Variants in SNTG1 observed in about 807,000 individuals in gnomAD.
The protein encoded by SNTG1 is syntrophin gamma 1.
In SNTG1, 39 loss-of-function variants were observed where a neutral mutation model predicts 74.7. The observed-to-expected ratio is 0.52, with a 90% CI of 0.40 to 0.68. The LOEUF (loss-of-function observed/expected upper bound fraction) is 0.68, where lower values mean the gene tolerates loss of function less well. SNTG1 is among the 30% of genes least tolerant of loss of function. The probability of loss-of-function intolerance (pLI) is 0.00; values close to 1 mark genes in which losing one functional copy is unlikely to be tolerated. For missense variants in SNTG1, 685 were observed against 609.5 expected (o/e 1.12, Z -1.30); for synonymous variants, 254 against 217.1 (o/e 1.17, Z -1.49).
intron 1 of SNTG1, among the ~76,000 whole-genome samples, chr8:49,976,946 G>T (rs1812248482): frequency 6.6e-6 from 1 of 152,184 alleles, no homozygotes; most frequent in Non-Finnish European, 1.5e-5. Context: ...AGGTGGGCTT[G>T]TCTCAGTGAC....
In SNTG1 at chr8:50,262,155, A is replaced by T. The variant is rs2087225742; in HGVS notation, c.-28+89520A>T. 2.0e-5 allele frequency among the ~76,000 whole-genome samples: 3 copies of T among 152,192 alleles called. No individual in the cohort carries two copies. In the South Asian group the frequency reaches 6.2e-4, roughly 31 times the overall value. On this transcript the variant is annotated intron_variant, in intron 2 of 18. Coordinates refer to ENST00000642720, the MANE Select transcript of SNTG1 (RefSeq NM_018967.5). ...CTCAAGAGATGTGGAAGATATTTTG[A>T]ACTAAATGAAAAATAGCATACTAAG... is the stretch of plus-strand genomic sequence containing the variant.
At chr8:50,233,079 A>G (rs4873139) in intron 2 of SNTG1, among the ~76,000 whole-genome samples, 136,107 of 151,424 alleles carry the variant, frequency 0.9, 62,469 homozygotes, top group East Asian at 1. Flanking sequence ...AATTTATAGA[A>G]TCAAGCCAAA....
At chr8:50,577,087 T>C (rs1020480809) in intron 12 of SNTG1, among the ~76,000 whole-genome samples, 2 of 152,312 alleles carry the variant, frequency 1.3e-5, no homozygotes, top group East Asian at 1.9e-4. Flanking sequence ...TCTTCTACCA[T>C]TGAGTATGAT....
chr8:50,623,578 A>T (rs1002420808), intron 13 of SNTG1, among the ~76,000 whole-genome samples: 7 of 152,138 alleles, frequency 4.6e-5, no homozygotes, highest in African/African-American at 1.7e-4. Context: ...CTACCCCACA[A>T]AAACATTTTC....
intron 18 of SNTG1, among the ~76,000 whole-genome samples, chr8:50,760,328 C>T (rs754965493): frequency 2.6e-5 from 4 of 151,836 alleles, no homozygotes; most frequent in African/African-American, 4.8e-5. Flanking sequence ...ATTTGAATAC[C>T]CTTTATTTCT....
intron 2 of SNTG1, among the ~76,000 whole-genome samples, chr8:50,203,317 T>C (rs1039001818): frequency 6.6e-6 from 1 of 152,152 alleles, no homozygotes; most frequent in Admixed American, 6.6e-5. Flanking sequence ...GTGTTAACTT[T>C]AGGGCTCCAG....
intron 2 of SNTG1, among the ~76,000 whole-genome samples, chr8:50,259,455 C>T (rs2087045818): frequency 7.0e-6 from 1 of 143,358 alleles, no homozygotes; most frequent in Non-Finnish European, 1.5e-5. Flanking sequence ...GCCAATGTCA[C>T]ACCACGGCAT....
At chr8:50,741,737 C>A (rs971282078) in intron 17 of SNTG1, among the ~76,000 whole-genome samples, 1 of 151,972 alleles carries the variant, frequency 6.6e-6, no homozygotes, top group Non-Finnish European at 1.5e-5. Flanking sequence ...GAAACAAATG[C>A]ACATTACTAA....
chr8:50,391,766 C>T (rs1162913816), intron 2 of SNTG1, among the ~76,000 whole-genome samples: 1 of 152,056 alleles, frequency 6.6e-6, no homozygotes, highest in Admixed American at 6.6e-5. Flanking sequence ...TTGGTCTATT[C>T]AGAGACTCAA....
At chr8:50,710,341 A>G (rs1401176233) in intron 17 of SNTG1, among the ~76,000 whole-genome samples, 2 of 152,098 alleles carry the variant, frequency 1.3e-5, no homozygotes, top group Non-Finnish European at 2.9e-5. Flanking sequence ...AGTTTTTTTT[A>G]TTAAAATGTT....
intron 4 of SNTG1, among the ~76,000 whole-genome samples, chr8:50,404,959 T>C (rs980577940): frequency 3.9e-5 from 6 of 152,112 alleles, no homozygotes; most frequent in South Asian, 2.1e-4. Flanking sequence ...TTAAGGATCA[T>C]CCATGTTGAA....
intron 4 of SNTG1, among the ~76,000 whole-genome samples, chr8:50,434,792 T>A (rs1000114175): frequency 2.0e-5 from 3 of 152,184 alleles, no homozygotes; most frequent in Non-Finnish European, 2.9e-5. Flanking sequence ...TCCTCAGTTG[T>A]CAAAAAGAAC....
chr8:50,087,859 C>T (rs967573922), intron 1 of SNTG1, among the ~76,000 whole-genome samples: 14 of 150,452 alleles, frequency 9.3e-5, no homozygotes, highest in Admixed American at 7.3e-4. Context: ...TATACATGTG[C>T]CATGCTGGTG....
intron 4 of SNTG1, among the ~76,000 whole-genome samples, chr8:50,416,623 T>C (rs975405807): frequency 6.6e-6 from 1 of 152,158 alleles, no homozygotes; most frequent in African/African-American, 2.4e-5. Context: ...CTTGGTAATT[T>C]ACAGAATATT....
At chr8:50,755,892 T>C (rs1052208641) in intron 18 of SNTG1, among the ~76,000 whole-genome samples, 5 of 151,850 alleles carry the variant, frequency 3.3e-5, no homozygotes, top group African/African-American at 9.7e-5. Context: ...AATTTTCATC[T>C]GTATATATTC....
chr8:50,728,875 C>T (rs1334490676), intron 17 of SNTG1, among the ~76,000 whole-genome samples: 1 of 152,182 alleles, frequency 6.6e-6, no homozygotes, highest in East Asian at 1.9e-4. Context: ...ATTCTTATCT[C>T]ATTCCACTTG....
intron 2 of SNTG1, among the ~76,000 whole-genome samples, chr8:50,287,786 C>G (rs770669458): frequency 8.5e-5 from 13 of 152,120 alleles, no homozygotes; most frequent in Non-Finnish European, 1.3e-4. Context: ...ACTCATCTAT[C>G]TCCTCATGGT....
chr8:50,447,925 A>C (rs1243089727), intron 5 of SNTG1, among the ~76,000 whole-genome samples: 1 of 152,196 alleles, frequency 6.6e-6, no homozygotes, highest in Non-Finnish European at 1.5e-5. Flanking sequence ...TTTCCTCATA[A>C]ATCTTAATAC....
At chr8:50,053,653 G>GTGTGTGTC (rs1388802117) in intron 1 of SNTG1, among the ~76,000 whole-genome samples, 5 of 150,790 alleles carry the variant, frequency 3.3e-5, no homozygotes, top group Non-Finnish European at 5.9e-5. Flanking sequence ...GTGTGTGTGT[G>GTGTGTGTC]TGTGTATAAT....
Sources: allele counts gnomAD v4.1 joint callset (sites outside exome capture counted in the v4.1 genomes callset), GRCh38; gene constraint gnomAD v4.1.1; transcripts MANE v1.5; gene names NCBI Gene and HGNC (gene_info 2026-07-23, HGNC 2026-07-21).